Variants in PCDH9 observed in about 807,000 individuals in gnomAD.
PCDH9 encodes protocadherin-9.
PCDH9 carries 24 observed loss-of-function variants against 70.6 expected under a neutral mutation model. That is an observed-to-expected ratio of 0.34 (90% confidence interval 0.25 to 0.48). PCDH9 has a LOEUF of 0.48. Ranked by LOEUF, PCDH9 falls within the 20% of genes least tolerant of loss-of-function variation. PCDH9 has a pLI of 0.99. For synonymous variants in PCDH9, 562 were observed against 558.5 expected, an observed-to-expected ratio of 1.01 and a Z score of -0.09; for missense variants, 1,281 against 1,503.6, an observed-to-expected ratio of 0.85 and a Z score of 2.45.
intron 3 of PCDH9, among the ~76,000 whole-genome samples, chr13:66,730,936 G>C: frequency 7.4e-6 from 1 of 134,318 alleles, no homozygotes; most frequent in Non-Finnish European, 1.5e-5. Flanking sequence ...TGCTGCCGAG[G>C]CTGTCTCAAA....
At chr13:66,857,553 C>A (rs2081414695) in intron 3 of PCDH9, among the ~76,000 whole-genome samples, 1 of 152,038 alleles carries the variant, frequency 6.6e-6, no homozygotes, top group African/African-American at 2.4e-5. Context: ...TAGAGGTCAC[C>A]AGGAAACAAA....
At chr13:66,686,381 C>T (rs556777761) in intron 3 of PCDH9, among the ~76,000 whole-genome samples, 1 of 152,260 alleles carries the variant, frequency 6.6e-6, no homozygotes, top group East Asian at 1.9e-4. Context: ...TTTCCTGAGG[C>T]CTCCCCAACC....
chr13:66,730,644 T>C (rs1450456635), intron 3 of PCDH9, among the ~76,000 whole-genome samples: 2 of 151,814 alleles, frequency 1.3e-5, no homozygotes, highest in Non-Finnish European at 2.9e-5. Context: ...CCTCACATAA[T>C]GACTGACATA....
intron 2 of PCDH9, among the ~76,000 whole-genome samples, chr13:67,051,382 A>ATGTTTTTTTTTTTTT (rs2085320242): frequency 1.4e-5 from 1 of 70,996 alleles, no homozygotes; most frequent in Non-Finnish European, 2.5e-5. Context: ...ACAATACAAG[A>ATGTTTTTTTTTTTTT]TTTTTTTTTT....
At position 66,984,626 on chromosome 13, in the gene PCDH9, T is replaced by G. The variant is rs2083851373; in HGVS notation, c.3037-81021A>C. On this transcript the variant is annotated intron_variant, in intron 2 of 4. Transcript: ENST00000377865. ...AAGATTCTAATGCTAAAATGGAATCTTACACATTGGTTAGTCCCAAGAAAG... is the reference window on the plus strand; with the variant it reads ...AAGATTCTAATGCTAAAATGGAATCGTACACATTGGTTAGTCCCAAGAAAG... Among the ~76,000 whole-genome samples, 3 of 152,174 alleles carry G rather than the reference T, an allele frequency of 2.0e-5. No homozygotes were observed. In the South Asian group the frequency reaches 6.2e-4, roughly 31 times the overall value.
chr13:66,380,340 A>G (rs946131079), intron 4 of PCDH9, among the ~76,000 whole-genome samples: 2 of 152,188 alleles, frequency 1.3e-5, no homozygotes, highest in Non-Finnish European at 2.9e-5. Context: ...AATGGCATCT[A>G]AAGATATTAC....
At chr13:67,052,728 A>C (rs975593619) in intron 2 of PCDH9, among the ~76,000 whole-genome samples, 1 of 152,142 alleles carries the variant, frequency 6.6e-6, no homozygotes, top group Non-Finnish European at 1.5e-5. Context: ...ATATATAAGT[A>C]TATAAATTCA....
chr13:66,417,532 A>T (rs977064686), intron 4 of PCDH9, among the ~76,000 whole-genome samples: 4 of 151,680 alleles, frequency 2.6e-5, no homozygotes, highest in Non-Finnish European at 5.9e-5. Flanking sequence ...TAATCCTTTG[A>T]TATATACCCA....
At chr13:66,354,498 A>G (rs1420438680) in intron 4 of PCDH9, among the ~76,000 whole-genome samples, 2 of 152,120 alleles carry the variant, frequency 1.3e-5, no homozygotes, top group African/African-American at 4.8e-5. Context: ...CTCTGTTGCA[A>G]AGCTTTTCCT....
chr13:67,164,302 C>T (rs1594598668), intron 2 of PCDH9, among the ~76,000 whole-genome samples: 2 of 152,108 alleles, frequency 1.3e-5, no homozygotes, highest in African/African-American at 2.4e-5. Context: ...ATACGCCGGG[C>T]GCGGTGGCCC....
intron 2 of PCDH9, among the ~76,000 whole-genome samples, chr13:66,956,017 G>T (rs949962393): frequency 1.4e-4 from 21 of 152,102 alleles, no homozygotes; most frequent in African/African-American, 4.8e-4. Flanking sequence ...CAGGAGAATC[G>T]CTTGAACACA....
chr13:66,559,817 A>AAATATATATAT (rs71677008), intron 4 of PCDH9, among the ~76,000 whole-genome samples: 1 of 93,118 alleles, frequency 1.1e-5, no homozygotes, highest in African/African-American at 4.4e-5. Flanking sequence ...AAAAAAAAAA[A>AAATATATATAT]ATATATATAT....
intron 2 of PCDH9, among the ~76,000 whole-genome samples, chr13:67,195,183 T>G (rs1251290754): frequency 1.3e-5 from 2 of 151,986 alleles, no homozygotes; most frequent in Non-Finnish European, 2.9e-5. Flanking sequence ...TCTCGCTCTT[T>G]CGCCCAGGCT....
chr13:66,953,390 T>A (rs112596301), intron 2 of PCDH9, among the ~76,000 whole-genome samples: 330 of 152,328 alleles, frequency 2.2e-3, no homozygotes, highest in African/African-American at 7.4e-3. Flanking sequence ...CAGTACATGT[T>A]CAAAATATAC....
intron 4 of PCDH9, among the ~76,000 whole-genome samples, chr13:66,540,193 A>G (rs1960891247): frequency 6.6e-6 from 1 of 151,994 alleles, no homozygotes; most frequent in African/African-American, 2.4e-5. Flanking sequence ...AATATTAATG[A>G]CTGATTCCTA....
intron 4 of PCDH9, among the ~76,000 whole-genome samples, chr13:66,387,648 A>G (rs1181133807): frequency 6.6e-6 from 1 of 150,760 alleles, no homozygotes; most frequent in Non-Finnish European, 1.5e-5. Flanking sequence ...GCCTTCTGTC[A>G]TGAGGCTCTA....
chr13:66,851,593 AC>A, intron 3 of PCDH9, among the ~76,000 whole-genome samples: 2 of 151,890 alleles, frequency 1.3e-5, no homozygotes, highest in Middle Eastern at 6.8e-3. Flanking sequence ...ACACACACAC[AC>A]ACACACACAC....
chr13:67,148,148 AG>A (rs952991879), intron 2 of PCDH9, among the ~76,000 whole-genome samples: 2 of 151,814 alleles, frequency 1.3e-5, no homozygotes, highest in African/African-American at 4.8e-5. Context: ...ACTAAGTCTC[AG>A]TGGCTTTGAG....
At chr13:67,150,518 G>C (rs533128118) in intron 2 of PCDH9, among the ~76,000 whole-genome samples, 1 of 152,296 alleles carries the variant, frequency 6.6e-6, no homozygotes, top group South Asian at 2.1e-4. Context: ...ATAATCATTA[G>C]TTTTCATATT....
Sources: gnomAD v4.1 joint callset for allele counts (sites outside exome capture counted in the v4.1 genomes callset) on GRCh38, gnomAD v4.1.1 for gene constraint, MANE v1.5 for transcripts, NCBI Gene and HGNC (gene_info 2026-07-23, HGNC 2026-07-21) for gene names.